The following GRIK3 variants were observed in gnomAD, a reference collection of about 807,000 sequenced individuals.
GRIK3 encodes glutamate ionotropic receptor kainate type subunit 3.
Under a neutral mutation model 102.5 loss-of-function variants are expected in GRIK3, and 29 were observed. The ratio of observed to expected loss-of-function variants is 0.28; its 90% CI spans 0.21 to 0.39. The LOEUF is 0.39. Ranked by LOEUF, GRIK3 falls within the 10% of genes least tolerant of loss-of-function variation. GRIK3 has a pLI of 1.00. For missense variants in GRIK3, 908 were observed against 1,252.4 expected (o/e 0.73, Z 4.15); for synonymous variants, 511 against 504.9 (o/e 1.01, Z -0.16).
At chr1:36,829,567 C>T (rs501741) in intron 10 of GRIK3, among the ~76,000 whole-genome samples, 28,283 of 152,034 alleles carry the variant, frequency 0.19, 3,097 homozygotes, top group African/African-American at 0.3. Context: ...TCCTGCCTCA[C>T]CAAGGACCTT....
At chr1:37,033,695 T>C (rs1337084870) in intron 1 of GRIK3, among the ~76,000 whole-genome samples, 1 of 152,140 alleles carries the variant, frequency 6.6e-6, no homozygotes, top group Non-Finnish European at 1.5e-5. Flanking sequence ...CACCGCGAAA[T>C]GCGCCCTCGA....
chr1:36,942,938 C>T (rs1641743712), intron 1 of GRIK3, among the ~76,000 whole-genome samples: 1 of 152,104 alleles, frequency 6.6e-6, no homozygotes, highest in Non-Finnish European at 1.5e-5. Flanking sequence ...CAGACTCCCC[C>T]CACCTTCAGA....
rs1000059238 is a variant in GRIK3 at position 36,880,706 on chromosome 1, T to A, written c.478A>T (p.Ser160Cys). The change falls in exon 3 of 16, where the codon AGC becomes TGC. Residue 160 changes from serine to cysteine, a missense_variant. By Grantham distance (112) the Ser-to-Cys change is moderately radical. This residue lies in a region of GRIK3 where 585 missense variants were observed against 824.9 expected (regional missense o/e 0.71). Transcript: ENST00000373091. This position sits in a 1 kb window ranked among gnomAD's most constrained non-coding sequence, Gnocchi z 5.4. ...VNLYPDYASL[S>C]HAILDLVQYL... The stretch of plus-strand genomic sequence containing the variant: ...TGGACCAGGTCGAGGATGGCATGGC[T>A]GAGCGAGGCGTAGTCGGGGTAGAGG... 13 of 1,614,134 alleles carry A rather than the reference T, an allele frequency of 8.1e-6. No individual in the cohort carries two copies. Among genetic ancestry groups the A allele is most frequent in the Non-Finnish European group, 8.5e-6 (10 of 1,179,962 alleles).
intron 1 of GRIK3, among the ~76,000 whole-genome samples, chr1:37,002,614 T>A (rs1390526174): frequency 2.0e-5 from 3 of 152,136 alleles, no homozygotes; most frequent in African/African-American, 7.2e-5. Flanking sequence ...CCAGACATGG[T>A]TTATGAAATC....
At chr1:37,007,358 G>C (rs56089133) in intron 1 of GRIK3, among the ~76,000 whole-genome samples, 10,165 of 152,308 alleles carry the variant, frequency 0.067, 465 homozygotes, top group Non-Finnish European at 0.1. Flanking sequence ...GCTGGCACCT[G>C]ACTCTTTGCT....
At chr1:36,949,574 CTTTTTTTTTTTT>C (rs60157852) in intron 1 of GRIK3, among the ~76,000 whole-genome samples, 1,448 of 99,736 alleles carry the variant, frequency 0.015, 36 homozygotes, top group African/African-American at 0.054. Context: ...CTCTCTCTTT[CTTTTTTTTTTTT>C]TTTTTTTTTT....
At chr1:36,972,165 C>T (rs575963872) in intron 1 of GRIK3, among the ~76,000 whole-genome samples, 5 of 152,320 alleles carry the variant, frequency 3.3e-5, no homozygotes, top group South Asian at 4.1e-4. Flanking sequence ...CCACGTGCTC[C>T]GCATCCCAAT....
At chr1:37,014,398 AAGCTGAACCGCAGACC>A (rs1642630127) in intron 1 of GRIK3, among the ~76,000 whole-genome samples, 2 of 152,244 alleles carry the variant, frequency 1.3e-5, no homozygotes, top group Non-Finnish European at 1.5e-5. Context: ...GAAGCCAGGC[AAGCTGAACCGCAGACC>A]AGCTTCTGAG....
chr1:36,921,341 C>T (rs1252696145), intron 1 of GRIK3, among the ~76,000 whole-genome samples: 2 of 152,208 alleles, frequency 1.3e-5, no homozygotes, highest in African/African-American at 4.8e-5. Context: ...CACACAAGCT[C>T]CATGTGCCTT....
intron 5 of GRIK3, among the ~76,000 whole-genome samples, chr1:36,868,332 G>A (rs958876365): frequency 2.6e-5 from 4 of 152,192 alleles, no homozygotes; most frequent in African/African-American, 7.2e-5. Context: ...GGATTCAGGG[G>A]AGCTGGCTTC....
chr1:36,830,934 G>A (rs1011469782), intron 10 of GRIK3, among the ~76,000 whole-genome samples: 2 of 152,062 alleles, frequency 1.3e-5, no homozygotes, highest in African/African-American at 4.8e-5. Flanking sequence ...GGGACTGCCG[G>A]CCACACCAGA....
At chr1:37,010,699 G>A (rs1034889350) in intron 1 of GRIK3, among the ~76,000 whole-genome samples, 5 of 150,476 alleles carry the variant, frequency 3.3e-5, no homozygotes, top group South Asian at 2.1e-4. Context: ...CTGCGCCATC[G>A]CAGGTGTCAG....
intron 10 of GRIK3, among the ~76,000 whole-genome samples, chr1:36,840,992 A>G (rs552468755): frequency 1.6e-4 from 24 of 152,228 alleles, no homozygotes; most frequent in Non-Finnish European, 3.4e-4. Context: ...GAAACTGCTC[A>G]GAGAGGTTGA....
At position 36,872,119 on chromosome 1, in the gene GRIK3, G is replaced by T; in HGVS notation, c.732+69C>A. ...ATCTGGCAGCATCACACCCACATTT[G>T]GGAAGGGGACGTGGGAGAAGTGGCC... On this transcript the variant is annotated intron_variant, in intron 4 of 15. Coordinates refer to ENST00000373091, the MANE Select transcript of GRIK3 (RefSeq NM_000831.4). This position sits in a 1 kb window ranked among gnomAD's most constrained non-coding sequence, Gnocchi z 5.9. The T allele has an allele frequency of 7.2e-7, 1 of 1,386,646 alleles. No individual in the cohort carries two copies. Among genetic ancestry groups the T allele is most frequent in the Non-Finnish European group, 9.8e-7 (1 of 1,019,834 alleles). 85.9% of individuals were successfully genotyped at this position (1,386,646 alleles called of 1,614,324 possible).
intron 1 of GRIK3, among the ~76,000 whole-genome samples, chr1:36,920,931 G>A (rs1000958219): frequency 8.5e-5 from 13 of 152,148 alleles, no homozygotes; most frequent in African/African-American, 3.1e-4. Context: ...GCTGCCTCCC[G>A]CCCCCTCCAT....
At chr1:36,897,842 C>G (rs1641190152) in intron 1 of GRIK3, among the ~76,000 whole-genome samples, 1 of 152,146 alleles carries the variant, frequency 6.6e-6, no homozygotes, top group Non-Finnish European at 1.5e-5. Context: ...ATCTGCACAC[C>G]TATGTTTGTT....
At chr1:36,925,447 C>T (rs776754913) in intron 1 of GRIK3, among the ~76,000 whole-genome samples, 4 of 152,246 alleles carry the variant, frequency 2.6e-5, no homozygotes, top group South Asian at 2.1e-4. Flanking sequence ...CTGGTCAGGC[C>T]GCCTGGTTGA....
chr1:36,856,397 C>G (rs916437378), intron 7 of GRIK3, among the ~76,000 whole-genome samples: 9 of 152,246 alleles, frequency 5.9e-5, no homozygotes, highest in Non-Finnish European at 1.0e-4. Context: ...CCCGCCCCCT[C>G]TAGCCACCGC....
rs116405294 is a variant in GRIK3 at position 36,925,666 on chromosome 1, G to A, written c.116-34570C>T. 4.6e-3 allele frequency among the ~76,000 whole-genome samples: 706 copies of A among 152,352 alleles called. 6 individuals are homozygous for A. The highest frequency in any genetic ancestry group is 0.016 in the African/African-American group (673 of 41,586). ...GCCAGTGTGGCCACTGCCACAGGCC[G>A]AGCATGGCACAAGAGCCTGGCAACA... is the stretch of plus-strand genomic sequence containing the variant. On this transcript the variant is annotated intron_variant, in intron 1 of 15. Coordinates refer to ENST00000373091, the MANE Select transcript of GRIK3 (RefSeq NM_000831.4).
Sources: allele counts gnomAD v4.1 joint callset (sites outside exome capture counted in the v4.1 genomes callset), GRCh38; gene constraint gnomAD v4.1.1; regional missense constraint gnomAD v4.1.1; non-coding constraint Gnocchi (gnomAD v3.1); transcripts MANE v1.5; gene names NCBI Gene and HGNC (gene_info 2026-07-23, HGNC 2026-07-21).